Variants in TDRD12 observed in about 807,000 individuals in gnomAD.
TDRD12 encodes putative ATP-dependent RNA helicase TDRD12.
TDRD12 carries 158 observed loss-of-function variants against 133.5 expected under a neutral mutation model. The ratio of observed to expected loss-of-function variants is 1.18; its 90% CI spans 1.04 to 1.35. The LOEUF (loss-of-function observed/expected upper bound fraction) is 1.35, where lower values mean the gene tolerates loss of function less well. TDRD12 is among the 40% of genes most tolerant of loss of function. The pLI is 0.00. For missense variants in TDRD12, 1,443 were observed against 1,321.3 expected, an observed-to-expected ratio of 1.09 and a Z score of -1.43; for synonymous variants, 460 against 477.9, an observed-to-expected ratio of 0.96 and a Z score of 0.49.
rs7253797 is a variant in TDRD12, at chr19:32,760,692, C to G, written c.865+3562C>G. On this transcript the variant is annotated intron_variant, in intron 8 of 27. Transcript: ENST00000444215. ...GTCTTGATTTCTAGGGAGATTCACTCTCGTGCCCCTAACCCACATTCATTC... is the reference window on the plus strand; with the variant it reads ...GTCTTGATTTCTAGGGAGATTCACTGTCGTGCCCCTAACCCACATTCATTC... 2.8e-3 allele frequency among the ~76,000 whole-genome samples: 426 copies of G among 152,274 alleles called. 2 individuals are homozygous for G. The highest frequency in any genetic ancestry group is 1.0e-2 in the African/African-American group (414 of 41,556).
At chr19:32,726,611 T>C (rs1968869629) in intron 1 of TDRD12, among the ~76,000 whole-genome samples, 1 of 152,064 alleles carries the variant, frequency 6.6e-6, no homozygotes, top group African/African-American at 2.4e-5. Context: ...TGAAGCCCAG[T>C]GCAGTGATGT....
At chr19:32,824,849 C>T (rs564859970), downstream of TDRD12, among the ~76,000 whole-genome samples, 1 of 152,054 alleles carries the variant, frequency 6.6e-6, no homozygotes, top group Non-Finnish European at 1.5e-5. Context: ...TTGTGTTTCC[C>T]GGGGCACATC....
chr19:32,745,172 C>A (rs1969564295), intron 4 of TDRD12, among the ~76,000 whole-genome samples: 3 of 152,232 alleles, frequency 2.0e-5, no homozygotes, highest in African/African-American at 4.8e-5. Context: ...CACTGCCCAC[C>A]CTTCAGGCAT....
At chr19:32,724,354 A>G (rs1371006912) in intron 1 of TDRD12, among the ~76,000 whole-genome samples, 1 of 151,960 alleles carries the variant, frequency 6.6e-6, no homozygotes, top group Non-Finnish European at 1.5e-5. Context: ...CGCATGTATT[A>G]GTTTTTTTAT....
chr19:32,755,863 TCTCTCAGA>T, intron 6 of TDRD12, 121 bp from the exon 7 acceptor site: 1 of 668,426 alleles, frequency 1.5e-6, no homozygotes, highest in Non-Finnish European at 2.3e-6. Flanking sequence ...CAAATCTGTT[TCTCTCAGA>T]TTATGTTCTG....
In TDRD12 at chr19:32,807,601, C is replaced by T. The variant is rs550817829; in HGVS notation, c.2605C>T (p.Pro869Ser). The change falls in exon 22 of 28, where the codon CCC becomes TCC. Residue 869 changes from proline to serine, a missense_variant. By Grantham distance (74) the Pro-to-Ser change is moderately conservative (BLOSUM62 -1). Coordinates refer to ENST00000444215, the Ensembl canonical transcript of TDRD12. ...CCGTATTAATCCAGAAACGGACTTG[C>T]CCAGGAAACTGTCCAGCCAAGCCCT... is the stretch of plus-strand genomic sequence containing the variant. 732 of 1,535,100 alleles carry T rather than the reference C, an allele frequency of 4.8e-4. 2 individuals are homozygous for T. The South Asian group carries it at 7.9e-3, about 17-fold the overall frequency.
At chr19:32,730,976 C>G (rs1969033022) in intron 1 of TDRD12, among the ~76,000 whole-genome samples, 1 of 152,200 alleles carries the variant, frequency 6.6e-6, no homozygotes, top group Admixed American at 6.6e-5. Context: ...GATTGCGCCA[C>G]TGCACTCCAA....
intron 23 of TDRD12, 119 bp from the exon 24 acceptor site, chr19:32,811,091 T>C: frequency 1.3e-6 from 1 of 751,598 alleles, no homozygotes; most frequent in East Asian, 2.7e-5. Flanking sequence ...ATTTCTAGTA[T>C]AGAGTAAAAT....
chr19:32,822,108 G>T (rs889436510), downstream of TDRD12, among the ~76,000 whole-genome samples: 4 of 152,036 alleles, frequency 2.6e-5, no homozygotes, highest in African/African-American at 9.7e-5. Flanking sequence ...ATGACAGATT[G>T]AGACTATAAA....
intron 11 of TDRD12, 106 bp downstream of exon 11, chr19:32,777,335 C>T (rs1970611949): frequency 2.6e-6 from 2 of 773,550 alleles, no homozygotes; most frequent in East Asian, 6.0e-5. Flanking sequence ...CCTGCATTCC[C>T]ATCAAAAAAT....
chr19:32,722,004 C>G (rs1276261485), intron 1 of TDRD12, among the ~76,000 whole-genome samples: 1 of 152,110 alleles, frequency 6.6e-6, no homozygotes, highest in African/African-American at 2.4e-5. Flanking sequence ...GCGTGAGCCA[C>G]CACGCCCGGC....
At chr19:32,815,713 T>G in intron 26 of TDRD12, 93 bp downstream of exon 26, 1 of 1,292,876 alleles carries the variant, frequency 7.7e-7, no homozygotes, top group Non-Finnish European at 1.0e-6. Flanking sequence ...GTAGAAGAGT[T>G]GGCTGGGTGC....
intron 11 of TDRD12, among the ~76,000 whole-genome samples, chr19:32,782,322 T>C (rs2145635156): frequency 6.6e-6 from 1 of 152,354 alleles, no homozygotes; most frequent in Middle Eastern, 3.4e-3. Context: ...CTGCATAGTA[T>C]TCCATGGTGT....
intron 6 of TDRD12, among the ~76,000 whole-genome samples, chr19:32,753,237 T>C (rs1969888885): frequency 6.6e-6 from 1 of 152,202 alleles, no homozygotes; most frequent in African/African-American, 2.4e-5. Context: ...TTAGGAAATA[T>C]ATGTATGTAC....
At chr19:32,784,491 T>C (rs1970851516) in intron 11 of TDRD12, among the ~76,000 whole-genome samples, 1 of 152,212 alleles carries the variant, frequency 6.6e-6, no homozygotes, top group African/African-American at 2.4e-5. Context: ...GTCAGGATGA[T>C]GCTGGCCTCA....
intron 8 of TDRD12, among the ~76,000 whole-genome samples, chr19:32,764,583 G>A: frequency 6.6e-6 from 1 of 152,176 alleles, no homozygotes; most frequent in East Asian, 1.9e-4. Context: ...CTTTGCTGTT[G>A]TTGGTTAGAA....
intron 8 of TDRD12, among the ~76,000 whole-genome samples, chr19:32,761,385 C>T (rs1339066767): frequency 6.6e-6 from 1 of 152,170 alleles, no homozygotes; most frequent in Non-Finnish European, 1.5e-5. Flanking sequence ...CCGCCTCGGC[C>T]TCCCAAAGTG....
intron 1 of TDRD12, among the ~76,000 whole-genome samples, chr19:32,725,731 G>C (rs1968837830): frequency 6.6e-6 from 1 of 152,088 alleles, no homozygotes; most frequent in East Asian, 1.9e-4. Flanking sequence ...TTTTAAAGTA[G>C]TTTTTTCTAT....
chr19:32,790,475 TC>T, intron 11 of TDRD12, 55 bp from the exon 12 acceptor site: 1 of 1,498,174 alleles, frequency 6.7e-7, no homozygotes, highest in Non-Finnish European at 9.1e-7. Flanking sequence ...AAAGAATAGC[TC>T]AACTGAGGAA....
Sources: allele counts gnomAD v4.1 joint callset (sites outside exome capture counted in the v4.1 genomes callset), GRCh38; gene constraint gnomAD v4.1.1; transcripts MANE v1.5; gene names NCBI Gene and HGNC (gene_info 2026-07-23, HGNC 2026-07-21).